CPNE8: variants seen among roughly 807,000 people sequenced by gnomAD.
CPNE8 encodes copine 8, also known as copine-8.
A neutral mutation model predicts 81.5 loss-of-function variants in CPNE8; 45 were observed. That is an observed-to-expected ratio of 0.55 (90% CI 0.44 to 0.71). The LOEUF (loss-of-function observed/expected upper bound fraction) is 0.71. Ranked by LOEUF, CPNE8 falls within the 30% of genes least tolerant of loss-of-function variation. The pLI, the probability that CPNE8 is intolerant of heterozygous loss-of-function variation, is 0.00. For missense variants in CPNE8, 594 were observed against 672.1 expected (o/e 0.88, Z 1.28); for synonymous variants, 252 against 226.3 (o/e 1.11, Z -1.02).
intron 6 of CPNE8, among the ~76,000 whole-genome samples, chr12:38,780,009 C>G (rs903057647): frequency 2.6e-5 from 4 of 152,002 alleles, no homozygotes; most frequent in Non-Finnish European, 2.9e-5. Context: ...AGGCACTTTT[C>G]CTCTATTTTC....
At chr12:38,713,265 C>A (rs1464746728) in intron 13 of CPNE8, among the ~76,000 whole-genome samples, 1 of 152,092 alleles carries the variant, frequency 6.6e-6, no homozygotes, top group Non-Finnish European at 1.5e-5. Flanking sequence ...AGTTACTGCC[C>A]ACTTACTGTC....
At chr12:38,787,345 C>G (rs1262395126) in intron 6 of CPNE8, among the ~76,000 whole-genome samples, 1 of 151,142 alleles carries the variant, frequency 6.6e-6, no homozygotes, top group Non-Finnish European at 1.5e-5. Flanking sequence ...AAAATATGCT[C>G]CTGAAATGAA....
At position 38,785,189 on chromosome 12, in the gene CPNE8, G is replaced by GAA. The variant is rs1191300015; in HGVS notation, c.408-8890_408-8889dup. On this transcript the variant is annotated intron_variant, in intron 6 of 19. Transcript: ENST00000331366. ...GATGACAGAGTGAGACTCTGTCTCT[G>GAA]AAAAAAAAAAAAAAAAGGACCCATT... is the stretch of plus-strand genomic sequence containing the variant. Among the ~76,000 whole-genome samples the GAA allele has an allele frequency of 2.1e-4, 21 of 98,094 alleles. No homozygotes were observed. In the South Asian group the frequency reaches 4.7e-3, roughly 22 times the overall value. The allele number at this position is 98,094 out of a possible 152,430, so 64.4% of individuals were successfully genotyped here.
intron 6 of CPNE8, among the ~76,000 whole-genome samples, chr12:38,782,945 G>C (rs1394809746): frequency 4.6e-5 from 7 of 152,096 alleles, no homozygotes; most frequent in Admixed American, 4.6e-4. Flanking sequence ...CTCCCAAAGT[G>C]CAGGAATTGC....
intron 10 of CPNE8, among the ~76,000 whole-genome samples, chr12:38,741,768 T>A (rs1941111981): frequency 6.6e-6 from 1 of 151,886 alleles, no homozygotes. Flanking sequence ...TTTGCAATCT[T>A]CTCATCTGAC....
intron 19 of CPNE8, among the ~76,000 whole-genome samples, chr12:38,668,270 G>T (rs2136641403): frequency 6.6e-6 from 1 of 152,294 alleles, no homozygotes; most frequent in South Asian, 2.1e-4. Flanking sequence ...CAAAGATAGA[G>T]AAATTTTTTT....
At chr12:38,703,190 T>G (rs1719830) in intron 13 of CPNE8, among the ~76,000 whole-genome samples, 76,266 of 151,942 alleles carry the variant, frequency 0.5, 20,176 homozygotes, top group East Asian at 0.8. Flanking sequence ...TTTGGAGTAA[T>G]TAAGTGACTC....
chr12:38,774,889 G>GT (rs1324332376), intron 7 of CPNE8, among the ~76,000 whole-genome samples: 1 of 152,144 alleles, frequency 6.6e-6, no homozygotes, highest in South Asian at 2.1e-4. Flanking sequence ...CAATTTACAT[G>GT]TTTTTTAAAT....
rs1565583214 is a variant in CPNE8, at chr12:38,720,820, C to T, written c.914+2952G>A. 4 of 152,198 alleles carry T rather than the reference C, an allele frequency of 2.6e-5. No homozygotes were observed. In the South Asian group the frequency reaches 6.2e-4, roughly 24 times the overall value. The allele number at this position is 152,198 out of a possible 1,614,324, so 9.4% of individuals were successfully genotyped here. A position where few individuals can be genotyped will look rare whatever the true frequency, so the allele number is the denominator to read the frequency against. On this transcript the variant is annotated intron_variant, in intron 13 of 19. Transcript: ENST00000331366. ...CTTTTCCGAGTTGGGGTAGGAGCTC[C>T]CCAGGTGCACTGCAGTCATCCAAGC... is the stretch of plus-strand genomic sequence containing the variant.
chr12:38,712,882 T>C (rs544286245), intron 13 of CPNE8, among the ~76,000 whole-genome samples: 1 of 152,276 alleles, frequency 6.6e-6, no homozygotes, highest in Non-Finnish European at 1.5e-5. Flanking sequence ...TTTCTTCATA[T>C]CTCTTATAAC....
At chr12:38,721,391 T>G (rs1192172904) in intron 13 of CPNE8, among the ~76,000 whole-genome samples, 2 of 151,942 alleles carry the variant, frequency 1.3e-5, no homozygotes, top group Non-Finnish European at 2.9e-5. Flanking sequence ...TAGGACAACC[T>G]GCCTGCAGAG....
At chr12:38,790,516 G>A (rs1348671922) in intron 6 of CPNE8, among the ~76,000 whole-genome samples, 1 of 151,614 alleles carries the variant, frequency 6.6e-6, no homozygotes, top group African/African-American at 2.4e-5. Flanking sequence ...TAGAAATAAC[G>A]AAATGAGACC....
At chr12:38,719,314 C>T (rs1166647408) in intron 13 of CPNE8, among the ~76,000 whole-genome samples, 1 of 152,004 alleles carries the variant, frequency 6.6e-6, no homozygotes, top group Non-Finnish European at 1.5e-5. Flanking sequence ...TAAATTTGTG[C>T]CCAATTTGGC....
intron 6 of CPNE8, among the ~76,000 whole-genome samples, chr12:38,825,265 T>G (rs1943170451): frequency 6.6e-6 from 1 of 152,186 alleles, no homozygotes; most frequent in South Asian, 2.1e-4. Flanking sequence ...TCTTCCCTGG[T>G]TTCATTTCTT....
chr12:38,713,302 C>T (rs1940306985), intron 13 of CPNE8, among the ~76,000 whole-genome samples: 1 of 152,172 alleles, frequency 6.6e-6, no homozygotes, highest in Non-Finnish European at 1.5e-5. Context: ...CTCATACTCC[C>T]TTTCTCTTAA....
At chr12:38,722,294 T>G (rs1940585957) in intron 13 of CPNE8, among the ~76,000 whole-genome samples, 1 of 152,212 alleles carries the variant, frequency 6.6e-6, no homozygotes, top group Non-Finnish European at 1.5e-5. Flanking sequence ...TACTTTGTAC[T>G]TTAACTTTAT....
chr12:38,806,453 C>G (rs1156652257), intron 6 of CPNE8, among the ~76,000 whole-genome samples: 2 of 149,558 alleles, frequency 1.3e-5, no homozygotes, highest in African/African-American at 4.9e-5. Context: ...TCAATATATG[C>G]AAATCAATAA....
At chr12:38,722,839 G>A (rs1187060023) in intron 13 of CPNE8, among the ~76,000 whole-genome samples, 5 of 152,114 alleles carry the variant, frequency 3.3e-5, no homozygotes, top group Non-Finnish European at 7.4e-5. Context: ...TTTGGTGGGA[G>A]GTGATTGGAT....
chr12:38,713,343 T>G (rs1940307716), intron 13 of CPNE8, among the ~76,000 whole-genome samples: 1 of 152,194 alleles, frequency 6.6e-6, no homozygotes, highest in Admixed American at 6.5e-5. Flanking sequence ...TTTGTGCTTC[T>G]AATCTTGATT....
Sources: gnomAD v4.1 joint callset for allele counts (sites outside exome capture counted in the v4.1 genomes callset) on GRCh38, gnomAD v4.1.1 for gene constraint, MANE v1.5 for transcripts, NCBI Gene and HGNC (gene_info 2026-07-23, HGNC 2026-07-21) for gene names.